Variants in ZFYVE9 observed in about 807,000 individuals in gnomAD.
ZFYVE9 encodes the protein zinc finger FYVE-type containing 9, also known as zinc finger FYVE domain-containing protein 9.
ZFYVE9 carries 43 observed loss-of-function variants against 126.7 expected under a neutral mutation model. That is an observed-to-expected ratio of 0.34 (90% confidence interval 0.27 to 0.44). The LOEUF (loss-of-function observed/expected upper bound fraction) is 0.44. Among genes scored for constraint, ZFYVE9 ranks in the 20% least tolerant of loss-of-function variants. The pLI is 1.00. For missense variants in ZFYVE9, 1,476 were observed against 1,697.0 expected, an observed-to-expected ratio of 0.87 and a Z score of 2.29; for synonymous variants, 521 against 597.4, an observed-to-expected ratio of 0.87 and a Z score of 1.87.
intron 1 of ZFYVE9, among the ~76,000 whole-genome samples, chr1:52,204,272 C>T (rs909977456): frequency 2.6e-5 from 4 of 152,150 alleles, no homozygotes; most frequent in African/African-American, 9.7e-5. Flanking sequence ...CTGTGAACTT[C>T]ACAAGTGCTT....
At position 52,174,905 on chromosome 1, in the gene ZFYVE9, C is replaced by T. The variant is rs533599714; in HGVS notation, c.-143+32502C>T. ...TTTTGAGCCTATGTGTGTCTGTGCA[C>T]GTGAGATGGGTGTCCTGAATACAGC... is the stretch of plus-strand genomic sequence containing the variant. On this transcript the variant is annotated intron_variant, in intron 1 of 18. Transcript: ENST00000287727. 6.6e-5 allele frequency among the ~76,000 whole-genome samples: 10 copies of T among 152,214 alleles called. No homozygotes were observed. In the East Asian group the frequency reaches 1.3e-3, roughly 21 times the overall value.
chr1:52,254,233 TTAAA>T (rs1276387962), intron 4 of ZFYVE9: 2 of 385,096 alleles, frequency 5.2e-6, no homozygotes, highest in South Asian at 4.2e-5. Context: ...TATCCTGTCT[TTAAA>T]TAGTATATCA....
At chr1:52,338,994 G>A (rs1646412663) in intron 16 of ZFYVE9, among the ~76,000 whole-genome samples, 2 of 152,036 alleles carry the variant, frequency 1.3e-5, no homozygotes, top group African/African-American at 4.8e-5. Context: ...TGGACAACAA[G>A]AGCGAAACTC....
chr1:52,211,327 A>G lies in ZFYVE9; in HGVS notation c.-142-5042A>G, dbSNP rs1207848133. Reference sequence around the variant, plus strand: ...TTAATGTGACTGTGACACCTGAGTCACAGGTGCTACGTCACAATCACATTA... The same window carrying G: ...TTAATGTGACTGTGACACCTGAGTCGCAGGTGCTACGTCACAATCACATTA... On this transcript the variant is annotated intron_variant, in intron 1 of 18. Transcript: ENST00000287727. Among the ~76,000 whole-genome samples, 5 of 152,206 alleles carry G rather than the reference A, an allele frequency of 3.3e-5. No homozygotes were observed. In the East Asian group the frequency reaches 7.7e-4, roughly 23 times the overall value.
In ZFYVE9 at chr1:52,254,033, A is replaced by T. The variant is rs1237542571; in HGVS notation, c.2179-9740A>T. 4.0e-6 allele frequency: 3 copies of T among 759,328 alleles called. No individual in the cohort carries two copies. In the Admixed American group the frequency reaches 5.7e-5, roughly 14 times the overall value. 47.0% of individuals were successfully genotyped at this position (759,328 alleles called of 1,614,324 possible). A position where few individuals can be genotyped will look rare whatever the true frequency, so the allele number is the denominator to read the frequency against. Reference sequence around the variant, plus strand: ...AAGCCAACTTGGACGTTAATGATACAGATTGCTGTTCTAGCCAGTCATCAA... The same window carrying T: ...AAGCCAACTTGGACGTTAATGATACTGATTGCTGTTCTAGCCAGTCATCAA... On this transcript the variant is annotated intron_variant, in intron 4 of 18. Transcript: ENST00000287727.
At chr1:52,249,422 A>G (rs1293214548) in intron 4 of ZFYVE9, among the ~76,000 whole-genome samples, 2 of 152,110 alleles carry the variant, frequency 1.3e-5, no homozygotes, top group Non-Finnish European at 2.9e-5. Context: ...TCATGTACTT[A>G]CTGGTCTCTA....
intron 1 of ZFYVE9, chr1:52,179,803 T>C: frequency 3.7e-6 from 2 of 545,372 alleles, no homozygotes; most frequent in Admixed American, 5.9e-5. Flanking sequence ...GGATTTAAAG[T>C]GTCTATTAGG....
At chr1:52,225,301 C>T (rs192216078) in intron 2 of ZFYVE9, among the ~76,000 whole-genome samples, 46 of 152,286 alleles carry the variant, frequency 3.0e-4, no homozygotes, top group African/African-American at 9.6e-4. Flanking sequence ...CAGTGGGATG[C>T]GTCTCCCCAT....
In ZFYVE9 at chr1:52,238,037, T is replaced by C. The variant is rs182750927; in HGVS notation, c.620T>C (p.Met207Thr). The C allele has an allele frequency of 9.9e-5, 159 of 1,613,974 alleles. 1 individual carries two copies. In the East Asian group the frequency reaches 1.6e-3, roughly 16 times the overall value. ...ATAAATGAGTCCACTGAAAAAGATA[T>C]GAATTCAGAGAAACAAATGGATCCA... Reference protein sequence around the residue: ...FSINESTEKDMNSEKQMDPLN... With the variant: ...FSINESTEKDTNSEKQMDPLN... The change falls in exon 4 of 19, where the codon ATG (methionine) becomes ACG (threonine). Residue 207 changes from methionine (M) to threonine (T), a missense_variant. Transcript: ENST00000287727.
At chr1:52,203,911 GTTCT>G (rs984242133) in intron 1 of ZFYVE9, among the ~76,000 whole-genome samples, 2 of 151,804 alleles carry the variant, frequency 1.3e-5, no homozygotes, top group African/African-American at 4.8e-5. Flanking sequence ...TTTCTTTTTG[GTTCT>G]TTCTTAGAAT....
chr1:52,255,305 C>A (rs80078339), intron 4 of ZFYVE9, among the ~76,000 whole-genome samples: 1,851 of 152,092 alleles, frequency 0.012, 31 homozygotes, highest in African/African-American at 0.043. Flanking sequence ...ATTTTAGAGC[C>A]AGGCACGGTG....
Position 52,237,717 on chromosome 1 carries a change from T to G in ZFYVE9, c.300T>G (p.Ile100Met). Residue 100 changes from isoleucine to methionine, a missense_variant, in exon 4 of 19, where the codon ATT becomes ATG. By Grantham distance (10) the Ile-to-Met change is conservative (BLOSUM62 1). Around this residue, in one of 2 missense-constraint regions of ZFYVE9, gnomAD observed 807 missense variants for 794.6 expected, o/e 1.02. Transcript: ENST00000287727. The part of the protein sequence containing the change: ...NGQDCNLNPE[I>M]ATMWIDENAV... The stretch of plus-strand genomic sequence containing the variant: ...AGGACTGTAATCTAAATCCAGAGAT[T>G]GCCACAATGTGGATTGATGAAAATG... The G allele has an allele frequency of 1.9e-6, 3 of 1,614,078 alleles. No individual in the cohort carries two copies. Among genetic ancestry groups the G allele is most frequent in the Non-Finnish European group, 2.5e-6 (3 of 1,179,976 alleles).
chr1:52,210,437 T>C (rs1271533741), intron 1 of ZFYVE9, among the ~76,000 whole-genome samples: 2 of 152,188 alleles, frequency 1.3e-5, no homozygotes, highest in Non-Finnish European at 2.9e-5. Context: ...GCTTGTTTTA[T>C]TGAGTGGCTA....
chr1:52,206,216 A>G (rs1481387374), intron 1 of ZFYVE9, among the ~76,000 whole-genome samples: 2 of 152,226 alleles, frequency 1.3e-5, no homozygotes, highest in Non-Finnish European at 2.9e-5. Context: ...TTCAACTTAG[A>G]TCAGGAGCTC....
At chr1:52,245,224 G>T (rs538217522) in intron 4 of ZFYVE9, among the ~76,000 whole-genome samples, 1 of 151,372 alleles carries the variant, frequency 6.6e-6, no homozygotes, top group East Asian at 1.9e-4. Context: ...TTTACTTATT[G>T]CTTGGTATTC....
At chr1:52,311,328 G>A (rs1012889923) in intron 13 of ZFYVE9, among the ~76,000 whole-genome samples, 1 of 146,828 alleles carries the variant, frequency 6.8e-6, no homozygotes, top group Non-Finnish European at 1.5e-5. Flanking sequence ...GTGGTGGCAC[G>A]ATCTTGGCTC....
chr1:52,295,340 GT>G lies in ZFYVE9; in HGVS notation c.3251-552del, dbSNP rs543929305. Among the ~76,000 whole-genome samples the G allele has an allele frequency of 0.012, 653 of 55,628 alleles. 4 individuals are homozygous for G. The African/African-American group carries it at 0.12, about 10-fold the overall frequency. 36.5% of individuals were successfully genotyped at this position (55,628 alleles called of 152,430 possible). A position where few individuals can be genotyped will look rare whatever the true frequency, so the allele number is the denominator to read the frequency against. ...AAGATTGCTCCCTAAGACCTTGTGG[GT>G]TTGTTTGTTTGTTTGTTTGTTTGTT... is the stretch of plus-strand genomic sequence containing the variant. On this transcript the variant is annotated intron_variant, in intron 11 of 18. Transcript: ENST00000287727.
intron 13 of ZFYVE9, among the ~76,000 whole-genome samples, chr1:52,307,577 A>G (rs1005180030): frequency 6.6e-6 from 1 of 152,032 alleles, no homozygotes; most frequent in African/African-American, 2.4e-5. Flanking sequence ...TTTCACAACA[A>G]TAGCTCCTAT....
At chr1:52,193,352 G>A (rs1292952095) in intron 1 of ZFYVE9, among the ~76,000 whole-genome samples, 1 of 136,926 alleles carries the variant, frequency 7.3e-6, no homozygotes, top group East Asian at 2.1e-4. Context: ...TAAAACAAAA[G>A]CATATTAGGC....
Sources: gnomAD v4.1 joint callset for allele counts (sites outside exome capture counted in the v4.1 genomes callset) on GRCh38, gnomAD v4.1.1 for gene constraint, gnomAD v4.1.1 regional missense constraint, MANE v1.5 for transcripts, NCBI Gene and HGNC (gene_info 2026-07-23, HGNC 2026-07-21) for gene names.